The following EML1 variants were observed in gnomAD, a reference collection of about 807,000 sequenced individuals.
The protein encoded by EML1 is EMAP like 1, also known as echinoderm microtubule-associated protein-like 1.
EML1 carries 27 observed loss-of-function variants against 110.4 expected under a neutral mutation model. The ratio of observed to expected loss-of-function variants is 0.24; its 90% confidence interval spans 0.18 to 0.34. The LOEUF (loss-of-function observed/expected upper bound fraction) is 0.34. Among genes scored for constraint, EML1 ranks in the 10% least tolerant of loss-of-function variants. The pLI is 1.00. For synonymous variants in EML1, 344 were observed against 385.8 expected (o/e 0.89, Z 1.27); for missense variants, 741 against 1,030.9 (o/e 0.72, Z 3.85).
intron 13 of EML1, among the ~76,000 whole-genome samples, chr14:99,912,302 G>T (rs1212953541): frequency 6.6e-6 from 1 of 152,086 alleles, no homozygotes; most frequent in Non-Finnish European, 1.5e-5. Flanking sequence ...GCTCCCTAGG[G>T]CTGTGACTCC....
chr14:99,832,032 C>G (rs527756514), intron 1 of EML1, among the ~76,000 whole-genome samples: 1 of 151,958 alleles, frequency 6.6e-6, no homozygotes, highest in African/African-American at 2.4e-5. Flanking sequence ...TCTTTTGTGC[C>G]CCTTTGTCAG....
At chr14:99,849,505 T>TTGTGTG (rs764449866) in intron 1 of EML1, among the ~76,000 whole-genome samples, 67 of 149,122 alleles carry the variant, frequency 4.5e-4, no homozygotes, top group South Asian at 6.4e-4. Flanking sequence ...GTGTGTGTAT[T>TTGTGTG]TGTGTGTGTG....
At chr14:99,898,398 T>G in intron 8 of EML1, 96 bp downstream of exon 8, 1 of 1,184,382 alleles carries the variant, frequency 8.4e-7, no homozygotes, top group South Asian at 1.6e-5. Flanking sequence ...TGCTTAGATA[T>G]AATTATGGTA....
Position 99,878,516 on chromosome 14 carries a change from G to A in EML1, c.415G>A (p.Val139Met). The A allele has an allele frequency of 6.2e-7, 1 of 1,614,036 alleles. No homozygotes were observed. The highest frequency in any genetic ancestry group is 2.2e-5 in the East Asian group (1 of 44,884). ...NIKRTSSSER[V>M]SPGGRRESNG... ...CAAGAGGACCAGCTCTTCTGAACGA[G>A]TGTCTCCTGGGGGTCGAAGGGAAAG... Residue 139 changes from valine (V) to methionine (M), a missense_variant, in exon 4 of 22, where the codon GTG becomes ATG. Val to Met is a conservative substitution (Grantham distance 21). Around this residue, in one of 4 missense-constraint regions of EML1, gnomAD observed 226 missense variants for 255.6 expected, o/e 0.88. Transcript: ENST00000262233.
At chr14:99,812,407 G>A (rs770081427) in intron 1 of EML1, among the ~76,000 whole-genome samples, 1 of 152,008 alleles carries the variant, frequency 6.6e-6, no homozygotes, top group East Asian at 1.9e-4. Context: ...ACTCTAAAAA[G>A]GTAGATGCCA....
At chr14:99,924,713 T>C (rs188081040) in intron 17 of EML1, among the ~76,000 whole-genome samples, 2 of 152,286 alleles carry the variant, frequency 1.3e-5, no homozygotes, top group East Asian at 3.9e-4. Context: ...CAGTCTTTCA[T>C]CATGAGGGAT....
chr14:99,739,402 G>A (rs2057015243), intron 1 of EML1, among the ~76,000 whole-genome samples: 1 of 152,162 alleles, frequency 6.6e-6, no homozygotes, highest in South Asian at 2.1e-4. Context: ...TTTCAGGAAG[G>A]CCAGGACAAT....
At chr14:99,743,194 G>A (rs2057064477) in intron 1 of EML1, among the ~76,000 whole-genome samples, 1 of 152,196 alleles carries the variant, frequency 6.6e-6, no homozygotes, top group South Asian at 2.1e-4. Flanking sequence ...GCGAGGGCAT[G>A]GTGAGCTGGG....
At chr14:99,794,264 A>G (rs1381444416) in intron 1 of EML1, among the ~76,000 whole-genome samples, 2 of 152,218 alleles carry the variant, frequency 1.3e-5, no homozygotes, top group African/African-American at 4.8e-5. Flanking sequence ...GCAGGGTTGA[A>G]AAAGATTTTC....
chr14:99,881,689 C>G (rs1566915240), intron 4 of EML1, among the ~76,000 whole-genome samples: 1 of 151,994 alleles, frequency 6.6e-6, no homozygotes, highest in Non-Finnish European at 1.5e-5. Flanking sequence ...CAGCCTCTGC[C>G]TCTTGGGTTC....
chr14:99,830,536 C>A (rs2058432063), intron 1 of EML1, among the ~76,000 whole-genome samples: 1 of 151,546 alleles, frequency 6.6e-6, no homozygotes, highest in Non-Finnish European at 1.5e-5. Flanking sequence ...TTGGAGCATT[C>A]ATGTTTTGCC....
At chr14:99,758,412 A>T (rs1595245650) in intron 1 of EML1, among the ~76,000 whole-genome samples, 1 of 152,028 alleles carries the variant, frequency 6.6e-6, no homozygotes, top group Admixed American at 6.6e-5. Flanking sequence ...TTTGTGGGGG[A>T]GGAGACCTGC....
At chr14:99,764,789 T>C (rs535849030) in intron 1 of EML1, among the ~76,000 whole-genome samples, 57 of 152,360 alleles carry the variant, frequency 3.7e-4, no homozygotes, top group African/African-American at 1.4e-3. Context: ...TGATAGACTT[T>C]TGGCATGGCC....
chr14:99,910,246 A>G lies in EML1; in HGVS notation c.1244A>G (p.Gln415Arg), dbSNP rs778685976. 1 of 1,608,570 alleles carries G rather than the reference A, an allele frequency of 6.2e-7. No individual in the cohort carries two copies. The highest frequency in any genetic ancestry group is 8.5e-7 in the Non-Finnish European group (1 of 1,178,158). ...LNKKQGLFEKQEKPKFVLCVT... is the reference protein window; with the variant it reads ...LNKKQGLFEKREKPKFVLCVT... ...TTTTTTTACTACATTCTACAGAAAC[A>G]AGAAAAGCCAAAGTTTGTCCTCTGT... The change falls in exon 12 of 22, where the codon CAA becomes CGA. Residue 415 changes from glutamine (Q) to arginine (R), a missense_variant. Around this residue, in one of 4 missense-constraint regions of EML1, gnomAD observed 388 missense variants for 605.6 expected, o/e 0.64. Coordinates refer to ENST00000262233, the MANE Select transcript of EML1 (RefSeq NM_004434.3).
intron 1 of EML1, among the ~76,000 whole-genome samples, chr14:99,762,699 T>A (rs2057327396): frequency 6.6e-6 from 1 of 152,134 alleles, no homozygotes; most frequent in Non-Finnish European, 1.5e-5. Flanking sequence ...CACGAGAGGC[T>A]GAGGTGGGAG....
At chr14:99,776,884 A>T (rs1366446864) in intron 1 of EML1, among the ~76,000 whole-genome samples, 2 of 152,202 alleles carry the variant, frequency 1.3e-5, no homozygotes, top group African/African-American at 4.8e-5. Flanking sequence ...TCATAGGAAA[A>T]CTTTAAATCA....
chr14:99,794,290 T>C (rs2057728319), intron 1 of EML1, among the ~76,000 whole-genome samples: 1 of 152,204 alleles, frequency 6.6e-6, no homozygotes, highest in Non-Finnish European at 1.5e-5. Flanking sequence ...ACACTGAATA[T>C]TTTATCAGAA....
At chr14:99,935,960 C>T (rs2060462826) in intron 17 of EML1, 69 bp from the exon 18 acceptor site, 3 of 1,459,306 alleles carry the variant, frequency 2.1e-6, no homozygotes, top group Non-Finnish European at 1.9e-6. Context: ...TGGCAGCTAC[C>T]GTTATCCTTT....
At chr14:99,808,417 A>G (rs559812949) in intron 1 of EML1, among the ~76,000 whole-genome samples, 8 of 152,166 alleles carry the variant, frequency 5.3e-5, no homozygotes, top group Non-Finnish European at 1.2e-4. Context: ...TACCAGAAAC[A>G]TTTCTTCATT....
Sources: allele counts gnomAD v4.1 joint callset (sites outside exome capture counted in the v4.1 genomes callset), GRCh38; gene constraint gnomAD v4.1.1; regional missense constraint gnomAD v4.1.1; transcripts MANE v1.5; gene names NCBI Gene and HGNC (gene_info 2026-07-23, HGNC 2026-07-21).